Variants in CADM2 observed in about 807,000 individuals in gnomAD.
CADM2 encodes the protein immunoglobulin superfamily member 4D.
A neutral mutation model predicts 49.8 loss-of-function variants in CADM2; 12 were observed. The ratio of observed to expected loss-of-function variants is 0.24; its 90% confidence interval spans 0.15 to 0.39. The LOEUF (loss-of-function observed/expected upper bound fraction) is 0.39. Ranked by LOEUF, CADM2 falls within the 10% of genes least tolerant of loss-of-function variation. CADM2 has a pLI of 1.00. For synonymous variants in CADM2, 214 were observed against 175.4 expected, an observed-to-expected ratio of 1.22 and a Z score of -1.74; for missense variants, 378 against 492.3, an observed-to-expected ratio of 0.77 and a Z score of 2.20.
At chr3:85,291,131 C>G (rs533458314) in intron 1 of CADM2, among the ~76,000 whole-genome samples, 1 of 152,004 alleles carries the variant, frequency 6.6e-6, no homozygotes. Flanking sequence ...TCGAGAACTA[C>G]GTGAAGAATG....
chr3:86,008,854 T>C (rs564270601), intron 8 of CADM2, among the ~76,000 whole-genome samples: 2 of 152,054 alleles, frequency 1.3e-5, no homozygotes, highest in African/African-American at 4.8e-5. Flanking sequence ...TTCAATTATA[T>C]GGATTATCAT....
chr3:85,660,887 C>T (rs571212007), intron 1 of CADM2, among the ~76,000 whole-genome samples: 13 of 148,392 alleles, frequency 8.8e-5, no homozygotes, highest in African/African-American at 2.5e-4. Context: ...TCTAGTCCTT[C>T]GATTATTATA....
rs1030044592 is a variant in CADM2, at chr3:86,070,210, CCTCAT to C, written c.*3428_*3432del. ...CCTAAATATGGCAAAGAAACTAACA[CCTCAT>C]TTATTTTTATTTCTTTGTAAAAATA... On this transcript the variant is annotated 3_prime_UTR_variant, in exon 10 of 10. Coordinates refer to ENST00000383699, the MANE Select transcript of CADM2 (RefSeq NM_001167675.2). 3 of 151,834 alleles carry C rather than the reference CCTCAT, an allele frequency of 2.0e-5. No homozygotes were observed. The highest frequency in any genetic ancestry group is 2.9e-5 in the Non-Finnish European group (2 of 67,848). 9.4% of individuals were successfully genotyped at this position (151,834 alleles called of 1,614,324 possible).
At chr3:85,331,096 C>G (rs2044910096) in intron 1 of CADM2, among the ~76,000 whole-genome samples, 1 of 151,948 alleles carries the variant, frequency 6.6e-6, no homozygotes, top group East Asian at 1.9e-4. Context: ...TTTAGGGTAT[C>G]CATCATATCA....
At chr3:85,201,207 CAT>C (rs1200379031) in intron 1 of CADM2, among the ~76,000 whole-genome samples, 1 of 152,094 alleles carries the variant, frequency 6.6e-6, no homozygotes, top group Admixed American at 6.5e-5. Flanking sequence ...GGAGATATTA[CAT>C]GTTTGTTCCA....
chr3:85,685,528 C>T (rs1023805584), intron 1 of CADM2, among the ~76,000 whole-genome samples: 1 of 149,826 alleles, frequency 6.7e-6, no homozygotes, highest in Non-Finnish European at 1.5e-5. Context: ...CCTAAAACTT[C>T]TTTGAAATAT....
At chr3:85,724,036 C>A (rs2067600018) in intron 1 of CADM2, among the ~76,000 whole-genome samples, 1 of 151,612 alleles carries the variant, frequency 6.6e-6, no homozygotes, top group South Asian at 2.1e-4. Flanking sequence ...ACAATACACA[C>A]AAAAAATAAC....
intron 3 of CADM2, chr3:85,828,190 G>T (rs1313676604): frequency 6.6e-6 from 1 of 151,922 alleles, no homozygotes; most frequent in African/African-American, 2.4e-5. Context: ...AGGTTTGGCA[G>T]AGATTTTAAA....
intron 1 of CADM2, among the ~76,000 whole-genome samples, chr3:85,686,045 CA>C (rs2066204740): frequency 6.6e-6 from 1 of 152,130 alleles, no homozygotes; most frequent in African/African-American, 2.4e-5. Flanking sequence ...TTTAGAGGCA[CA>C]AGCTGAAATT....
rs765200318 is a variant in CADM2 at position 86,065,590 on chromosome 3, T to G, written c.971-15T>G. On this transcript the variant is annotated splice_polypyrimidine_tract_variant and intron_variant, in intron 8 of 9. Coordinates refer to ENST00000383699, the MANE Select transcript of CADM2 (RefSeq NM_001167675.2). ...TAACACATTAAATAGAACAATATTT[T>G]CCTGTCTTTTCCAGATCCTAATGCT... The G allele has an allele frequency of 6.2e-7, 1 of 1,606,326 alleles. No homozygotes were observed. Among genetic ancestry groups the G allele is most frequent in the South Asian group, 1.1e-5 (1 of 89,422 alleles).
intron 3 of CADM2, among the ~76,000 whole-genome samples, chr3:85,882,177 C>T (rs1359237060): frequency 6.6e-6 from 1 of 150,754 alleles, no homozygotes; most frequent in African/African-American, 2.4e-5. Context: ...ATATACCCTC[C>T]CGCCTCACCC....
chr3:85,828,920 T>C (rs2074051932), intron 3 of CADM2, among the ~76,000 whole-genome samples: 1 of 151,972 alleles, frequency 6.6e-6, no homozygotes, highest in African/African-American at 2.4e-5. Flanking sequence ...ATGAAGTTCC[T>C]TTCCTACATT....
chr3:85,439,374 G>T (rs561186573), intron 1 of CADM2, among the ~76,000 whole-genome samples: 115 of 150,250 alleles, frequency 7.7e-4, no homozygotes, highest in African/African-American at 2.7e-3. Context: ...GCTGGTCTCG[G>T]ACTCCTGACC....
chr3:85,347,698 G>GT (rs2030883676), intron 1 of CADM2, among the ~76,000 whole-genome samples: 1 of 149,898 alleles, frequency 6.7e-6, no homozygotes, highest in Non-Finnish European at 1.5e-5. Flanking sequence ...CTGGAGTGCA[G>GT]TGGGGAGATT....
At chr3:85,499,108 C>T (rs2040016187) in intron 1 of CADM2, among the ~76,000 whole-genome samples, 1 of 151,872 alleles carries the variant, frequency 6.6e-6, no homozygotes, top group Admixed American at 6.6e-5. Context: ...TTCAAAGTAC[C>T]TGCAATAGTG....
intron 7 of CADM2, among the ~76,000 whole-genome samples, chr3:85,955,268 C>T (rs1172708261): frequency 1.3e-5 from 2 of 151,226 alleles, no homozygotes; most frequent in Non-Finnish European, 3.0e-5. Flanking sequence ...TAGACCCCAA[C>T]ATATCCTATC....
chr3:86,063,395 A>G (rs967547874), intron 8 of CADM2, among the ~76,000 whole-genome samples: 2 of 152,206 alleles, frequency 1.3e-5, no homozygotes, highest in Non-Finnish European at 2.9e-5. Flanking sequence ...AAAACATGCC[A>G]GGCTGGCATT....
At chr3:85,472,797 C>G (rs2038823087) in intron 1 of CADM2, among the ~76,000 whole-genome samples, 1 of 151,948 alleles carries the variant, frequency 6.6e-6, no homozygotes, top group African/African-American at 2.4e-5. Context: ...CTCTCTGTCT[C>G]TAATCGATGG....
intron 1 of CADM2, among the ~76,000 whole-genome samples, chr3:85,164,873 T>C (rs2107674199): frequency 6.6e-6 from 1 of 152,170 alleles, no homozygotes; most frequent in African/African-American, 2.4e-5. Context: ...CATGTGAGTT[T>C]TTTTAACAAA....
Sources: allele counts gnomAD v4.1 joint callset (sites outside exome capture counted in the v4.1 genomes callset), GRCh38; gene constraint gnomAD v4.1.1; transcripts MANE v1.5; gene names NCBI Gene and HGNC (gene_info 2026-07-23, HGNC 2026-07-21).